The following SPTSSB variants were observed in gnomAD, a reference collection of about 807,000 sequenced individuals.
The protein encoded by SPTSSB is androgen down regulated in mouse prostate.
SPTSSB carries 6 observed loss-of-function variants against 7.7 expected under a neutral mutation model. The observed-to-expected ratio is 0.78, with a 90% CI of 0.43 to 1.54. The LOEUF (loss-of-function observed/expected upper bound fraction) is 1.54. SPTSSB is among the 40% of genes most tolerant of loss of function. The pLI is 0.01. For missense variants in SPTSSB, 91 were observed against 93.0 expected, an observed-to-expected ratio of 0.98 and a Z score of 0.09; for synonymous variants, 28 against 29.7, an observed-to-expected ratio of 0.94 and a Z score of 0.19.
At chr3:161,353,171 G>T (rs891694757) in intron 2 of SPTSSB, among the ~76,000 whole-genome samples, 6 of 152,156 alleles carry the variant, frequency 3.9e-5, no homozygotes, top group African/African-American at 1.4e-4. Context: ...GAGCCTGTTT[G>T]AGTGATGTAG....
intron 2 of SPTSSB, among the ~76,000 whole-genome samples, chr3:161,351,018 C>T (rs939296691): frequency 3.3e-5 from 5 of 152,084 alleles, no homozygotes; most frequent in Non-Finnish European, 7.4e-5. Context: ...CTGACCAGTA[C>T]TCCCCAAAAC....
intron 2 of SPTSSB, among the ~76,000 whole-genome samples, chr3:161,351,327 C>G (rs1299149808): frequency 2.6e-5 from 4 of 152,108 alleles, no homozygotes; most frequent in Non-Finnish European, 5.9e-5. Flanking sequence ...TTCTGTAAAT[C>G]TACAACTGTC....
chr3:161,364,740 G>T (rs1006628073), intron 1 of SPTSSB, among the ~76,000 whole-genome samples: 4 of 151,376 alleles, frequency 2.6e-5, no homozygotes, highest in African/African-American at 9.7e-5. Flanking sequence ...ACATTCATTG[G>T]TGCTTATTTC....
intron 1 of SPTSSB, among the ~76,000 whole-genome samples, chr3:161,366,808 T>G (rs909092132): frequency 6.6e-6 from 1 of 152,202 alleles, no homozygotes; most frequent in African/African-American, 2.4e-5. Context: ...ATAAATGAAT[T>G]ATTAATCCTG....
intron 2 of SPTSSB, among the ~76,000 whole-genome samples, chr3:161,348,301 A>T (rs1714354817): frequency 2.1e-5 from 2 of 95,832 alleles, no homozygotes; most frequent in South Asian, 8.7e-4. Flanking sequence ...ACAAAACAAA[A>T]CACTCTAAAT....
chr3:161,351,025 A>G (rs995598773), intron 2 of SPTSSB, among the ~76,000 whole-genome samples: 1 of 152,102 alleles, frequency 6.6e-6, no homozygotes, highest in African/African-American at 2.4e-5. Context: ...GTACTCCCCA[A>G]AACCCCCAAG....
chr3:161,365,165 T>C (rs1020687615), intron 1 of SPTSSB, among the ~76,000 whole-genome samples: 6 of 152,222 alleles, frequency 3.9e-5, no homozygotes, highest in African/African-American at 1.4e-4. Context: ...TTTATATGAA[T>C]TACTTTATGC....
chr3:161,353,360 T>C (rs908870323), intron 2 of SPTSSB, among the ~76,000 whole-genome samples: 5 of 152,232 alleles, frequency 3.3e-5, no homozygotes, highest in African/African-American at 1.2e-4. Context: ...ATGGAGTGAT[T>C]TGTATATTTG....
intron 1 of SPTSSB, among the ~76,000 whole-genome samples, chr3:161,369,277 CTTTCTTTCT>C (rs1160466420): frequency 1.5e-5 from 2 of 133,880 alleles, no homozygotes; most frequent in Non-Finnish European, 3.1e-5. Context: ...TCTTTTTCTT[CTTTCTTTCT>C]TTTCTTTCTT....
rs1714171476 is a variant in SPTSSB, at chr3:161,345,412, C to A, written c.*681G>T. The A allele has an allele frequency of 6.6e-6, 1 of 152,650 alleles. No homozygotes were observed. Among genetic ancestry groups the A allele is most frequent in the African/African-American group, 2.4e-5 (1 of 41,532 alleles). 9.5% of individuals were successfully genotyped at this position (152,650 alleles called of 1,614,324 possible). On this transcript the variant is annotated 3_prime_UTR_variant, in exon 3 of 3. Coordinates refer to ENST00000620149, the MANE Select transcript of SPTSSB (RefSeq NM_001040100.2). ...TTTGATTATACTTTAGTTTCTTACA[C>A]TTAAAATTATTTTGTATTATAATAC...
intron 2 of SPTSSB, among the ~76,000 whole-genome samples, chr3:161,357,050 G>A (rs1430093863): frequency 1.3e-5 from 2 of 152,172 alleles, no homozygotes; most frequent in African/African-American, 4.8e-5. Context: ...TCAGGCCATA[G>A]AGACACGCAT....
At chr3:161,357,558 A>G (rs1470444812) in intron 2 of SPTSSB, among the ~76,000 whole-genome samples, 3 of 152,248 alleles carry the variant, frequency 2.0e-5, no homozygotes, top group African/African-American at 4.8e-5. Context: ...TTTTGTAGTA[A>G]GTCGGATATT....
At chr3:161,366,400 T>C (rs942464238) in intron 1 of SPTSSB, among the ~76,000 whole-genome samples, 4 of 152,198 alleles carry the variant, frequency 2.6e-5, no homozygotes, top group African/African-American at 7.2e-5. Context: ...TTTTTTCTGA[T>C]GAAACAACAG....
In SPTSSB at chr3:161,369,285, CTTTT is replaced by C. The variant is rs1220661894; in HGVS notation, c.-126+2146_-126+2149del. On this transcript the variant is annotated intron_variant, in intron 1 of 2. Transcript: ENST00000620149. ...TTCTCTTTCTTTTTCTTCTTTCTTTCTTTTCTTTCTTTCTTTCTTTCTTTCTTTC... is the reference window on the plus strand; with the variant it reads ...TTCTCTTTCTTTTTCTTCTTTCTTTCCTTTCTTTCTTTCTTTCTTTCTTTC... 3.9e-5 allele frequency among the ~76,000 whole-genome samples: 4 copies of C among 103,788 alleles called. No homozygotes were observed. In the South Asian group the frequency reaches 1.4e-3, roughly 38 times the overall value. 68.1% of individuals were successfully genotyped at this position (103,788 alleles called of 152,430 possible).
At chr3:161,365,912 A>G (rs1427014244) in intron 1 of SPTSSB, among the ~76,000 whole-genome samples, 3 of 152,160 alleles carry the variant, frequency 2.0e-5, no homozygotes, top group African/African-American at 7.2e-5. Flanking sequence ...TTCTGGGACA[A>G]TCTGGTAAAG....
intron 1 of SPTSSB, among the ~76,000 whole-genome samples, chr3:161,369,366 C>T (rs1374866640): frequency 1.8e-4 from 10 of 54,912 alleles, no homozygotes; most frequent in Admixed American, 4.6e-4. Context: ...TTCTTTCTCT[C>T]TCTGTCTCTC....
At chr3:161,368,686 A>G (rs996405567) in intron 1 of SPTSSB, among the ~76,000 whole-genome samples, 8 of 152,096 alleles carry the variant, frequency 5.3e-5, no homozygotes, top group Non-Finnish European at 1.0e-4. Flanking sequence ...TCGGCCTCCC[A>G]AAGTGCTGGG....
chr3:161,351,572 G>A (rs1714537732), intron 2 of SPTSSB, among the ~76,000 whole-genome samples: 1 of 151,926 alleles, frequency 6.6e-6, no homozygotes, highest in Non-Finnish European at 1.5e-5. Context: ...GTGATCCATG[G>A]TGTATACACT....
Position 161,358,044 on chromosome 3 carries a change from GTT to G in SPTSSB, c.-33+1756_-33+1757del, listed in dbSNP as rs11353900. On this transcript the variant is annotated intron_variant, in intron 2 of 2. Coordinates refer to ENST00000620149, the MANE Select transcript of SPTSSB (RefSeq NM_001040100.2). ...CTCTTTGCAGGCAATAGAAACTTTTGTTTTTTTTTTTTTTTTTTGGAGATGGA... is the reference window on the plus strand; with the variant it reads ...CTCTTTGCAGGCAATAGAAACTTTTGTTTTTTTTTTTTTTTTGGAGATGGA... 6.6e-4 allele frequency among the ~76,000 whole-genome samples: 76 copies of G among 114,498 alleles called. 1 individual carries two copies. The highest frequency in any genetic ancestry group is 4.9e-3 in the South Asian group (16 of 3,284). 75.1% of individuals were successfully genotyped at this position (114,498 alleles called of 152,430 possible).
Sources: gnomAD v4.1 joint callset for allele counts (sites outside exome capture counted in the v4.1 genomes callset) on GRCh38, gnomAD v4.1.1 for gene constraint, MANE v1.5 for transcripts, NCBI Gene and HGNC (gene_info 2026-07-23, HGNC 2026-07-21) for gene names.